Variants in TDP1 observed in about 807,000 individuals in gnomAD.
The protein encoded by TDP1 is tyr-DNA phosphodiesterase 1.
Under a neutral mutation model 81.5 loss-of-function variants are expected in TDP1, and 64 were observed. The ratio of observed to expected loss-of-function variants is 0.79; its 90% CI spans 0.64 to 0.97. The LOEUF (loss-of-function observed/expected upper bound fraction) is 0.97, where lower values mean the gene tolerates loss of function less well. TDP1 is among the 50% of genes least tolerant of loss of function. The pLI is 0.00. For missense variants in TDP1, 723 were observed against 743.8 expected (o/e 0.97, Z 0.33); for synonymous variants, 256 against 264.3 (o/e 0.97, Z 0.30).
intron 10 of TDP1, among the ~76,000 whole-genome samples, chr14:89,986,743 GCT>G (rs1290760328): frequency 2.0e-5 from 3 of 152,238 alleles, no homozygotes; most frequent in Non-Finnish European, 4.4e-5. Flanking sequence ...TGTCGGTTCA[GCT>G]CTGTTTCCTA....
At chr14:89,955,109 C>T (rs1410799685), upstream of TDP1, 2 of 160,654 alleles carry the variant, frequency 1.2e-5, no homozygotes, top group East Asian at 3.7e-4. Flanking sequence ...TGTGAACAAA[C>T]AAGAAGAACC....
intron 16 of TDP1, among the ~76,000 whole-genome samples, chr14:90,034,823 C>T (rs1163148764): frequency 6.6e-6 from 1 of 152,206 alleles, no homozygotes; most frequent in Non-Finnish European, 1.5e-5. Flanking sequence ...CCAGTTCTTA[C>T]CAAGCTTGGC....
chr14:89,958,681 C>A (rs1387667146), intron 2 of TDP1, among the ~76,000 whole-genome samples: 1 of 152,158 alleles, frequency 6.6e-6, no homozygotes, highest in African/African-American at 2.4e-5. Flanking sequence ...GAAAGTGTGC[C>A]AAGTGGGAAG....
At chr14:89,971,377 C>A in intron 6 of TDP1, 106 bp downstream of exon 6, 1 of 813,846 alleles carries the variant, frequency 1.2e-6, no homozygotes, top group South Asian at 1.4e-5. Flanking sequence ...TCTCCAGCAT[C>A]AGTCATCAAT....
intron 12 of TDP1, among the ~76,000 whole-genome samples, chr14:89,990,547 CTT>C (rs34248681): frequency 0.054 from 5,526 of 102,184 alleles, 169 homozygotes; most frequent in African/African-American, 0.11. Context: ...TGTATTAGCC[CTT>C]TTTTTTTTTT....
At chr14:89,984,182 TAGAA>T (rs1895308192) in intron 8 of TDP1, 1 of 985,408 alleles carries the variant, frequency 1.0e-6, no homozygotes, top group Non-Finnish European at 1.2e-6. Flanking sequence ...CATCAAGTCT[TAGAA>T]AGCAATATAT....
intron 15 of TDP1, among the ~76,000 whole-genome samples, chr14:90,027,281 A>G (rs940436004): frequency 6.6e-5 from 10 of 151,916 alleles, no homozygotes; most frequent in Admixed American, 6.6e-4. Context: ...TCTCCCCTGG[A>G]TGAACTGACC....
chr14:89,971,018 TAG>T (rs1484479243), intron 5 of TDP1, 155 bp from the exon 6 acceptor site: 1 of 183,672 alleles, frequency 5.4e-6, no homozygotes, highest in Admixed American at 6.5e-5. Flanking sequence ...TTTGTATTAG[TAG>T]AGACGGGGTT....
Position 89,967,353 on chromosome 14 carries a change from T to C in TDP1, c.604-14T>C, listed in dbSNP as rs1395958980. ...TTACCTATGGCTTAGTTACTCTTCTTTTCTCCCATCTAGTTTAACTACTGC... is the reference window on the plus strand; with the variant it reads ...TTACCTATGGCTTAGTTACTCTTCTCTTCTCCCATCTAGTTTAACTACTGC... On this transcript the variant is annotated splice_polypyrimidine_tract_variant and intron_variant, in intron 4 of 16. Transcript: ENST00000335725. The C allele has an allele frequency of 1.2e-6, 2 of 1,613,676 alleles. No individual in the cohort carries two copies. Among genetic ancestry groups the C allele is most frequent in the South Asian group, 1.1e-5 (1 of 91,068 alleles).
Position 89,971,272 on chromosome 14 carries a change from G to C in TDP1, c.756+1G>C. ...TTACGAGAACATCTCTCTCTGCCAG[G>C]TAAGCCACTTACTGCCGTTGGAGAG... On this transcript the variant is annotated splice_donor_variant, in intron 6 of 16. Transcript: ENST00000335725. LOFTEE classifies it high-confidence loss of function. The C allele has an allele frequency of 6.2e-7, 1 of 1,613,324 alleles. No homozygotes were observed. The highest frequency in any genetic ancestry group is 1.1e-5 in the South Asian group (1 of 91,074).
At chr14:89,960,021 C>T (rs1057424518) in intron 2 of TDP1, among the ~76,000 whole-genome samples, 2 of 152,188 alleles carry the variant, frequency 1.3e-5, no homozygotes, top group Non-Finnish European at 2.9e-5. Flanking sequence ...CTATAGAGAA[C>T]AGCCTGAGGA....
At chr14:90,027,457 G>A (rs1886798634) in intron 15 of TDP1, among the ~76,000 whole-genome samples, 1 of 151,878 alleles carries the variant, frequency 6.6e-6, no homozygotes, top group Non-Finnish European at 1.5e-5. Context: ...GGAACAGCAT[G>A]TCCCCCAGGC....
intron 14 of TDP1, among the ~76,000 whole-genome samples, chr14:89,999,073 G>A (rs947549411): frequency 6.6e-6 from 1 of 152,104 alleles, no homozygotes; most frequent in African/African-American, 2.4e-5. Context: ...CAAATAGTGT[G>A]TCTCTCAACA....
chr14:90,026,542 T>C (rs965639507), intron 15 of TDP1, among the ~76,000 whole-genome samples: 4 of 152,204 alleles, frequency 2.6e-5, no homozygotes, highest in Admixed American at 6.5e-5. Flanking sequence ...ACATGTGCCA[T>C]GTTGGTGTGC....
chr14:89,958,287 GC>G (rs1891904617), intron 2 of TDP1: 1 of 152,338 alleles, frequency 6.6e-6, no homozygotes, highest in Non-Finnish European at 1.5e-5. Context: ...GGAACGGAGT[GC>G]TACAGGGTTA....
intron 6 of TDP1, among the ~76,000 whole-genome samples, chr14:89,973,189 C>A (rs35787421): frequency 0.1 from 15,380 of 152,192 alleles, 2,043 homozygotes; most frequent in African/African-American, 0.31. Context: ...GCCTTTGCTT[C>A]GCAGTTGCCA....
At chr14:89,968,361 T>C (rs765198652) in intron 5 of TDP1, among the ~76,000 whole-genome samples, 4 of 152,218 alleles carry the variant, frequency 2.6e-5, no homozygotes, top group Non-Finnish European at 5.9e-5. Flanking sequence ...CATCCTTGTA[T>C]GTGACTTCAG....
chr14:90,011,258 G>A (rs1884666016), intron 14 of TDP1, among the ~76,000 whole-genome samples: 4 of 152,150 alleles, frequency 2.6e-5, no homozygotes, highest in Admixed American at 2.0e-4. Context: ...GTCTTTATTA[G>A]CAGTGAGAGA....
At chr14:90,043,012 G>A in intron 16 of TDP1, 58 bp from the exon 17 acceptor site, 1 of 1,613,428 alleles carries the variant, frequency 6.2e-7, no homozygotes, top group Non-Finnish European at 8.5e-7. Flanking sequence ...GCCATCAGGT[G>A]AGTGCATTTT....
Sources: allele counts gnomAD v4.1 joint callset (sites outside exome capture counted in the v4.1 genomes callset), GRCh38; gene constraint gnomAD v4.1.1; transcripts MANE v1.5; gene names NCBI Gene and HGNC (gene_info 2026-07-23, HGNC 2026-07-21).